Variants in BRINP3 observed in about 807,000 individuals in gnomAD.
BRINP3 encodes the protein BMP/retinoic acid inducible neural specific 3, also known as BMP/retinoic acid-inducible neural-specific protein 3.
BRINP3 carries 19 observed loss-of-function variants against 71.0 expected under a neutral mutation model. The ratio of observed to expected loss-of-function variants is 0.27; its 90% CI spans 0.19 to 0.39. The LOEUF (loss-of-function observed/expected upper bound fraction) is 0.39, where lower values mean the gene tolerates loss of function less well. BRINP3 is among the 10% of genes least tolerant of loss of function. The pLI is 1.00. For synonymous variants in BRINP3, 380 were observed against 337.7 expected, an observed-to-expected ratio of 1.13 and a Z score of -1.37; for missense variants, 959 against 940.8, an observed-to-expected ratio of 1.02 and a Z score of -0.25.
At chr1:190,122,761 T>C (rs1394867657) in intron 7 of BRINP3, among the ~76,000 whole-genome samples, 2 of 152,190 alleles carry the variant, frequency 1.3e-5, no homozygotes, top group Admixed American at 1.3e-4. Flanking sequence ...AATTATATTT[T>C]TCAGAACTTT....
chr1:190,111,374 G>GGGAA (rs1652683188), intron 7 of BRINP3, among the ~76,000 whole-genome samples: 1 of 151,742 alleles, frequency 6.6e-6, no homozygotes, highest in Non-Finnish European at 1.5e-5. Context: ...GAGGGGCAAA[G>GGGAA]GGAATCTGAG....
intron 2 of BRINP3, among the ~76,000 whole-genome samples, chr1:190,354,221 C>T (rs1483298518): frequency 6.6e-6 from 1 of 151,890 alleles, no homozygotes; most frequent in Non-Finnish European, 1.5e-5. Context: ...CTAATGCTTT[C>T]TCTTAGTGGT....
intron 5 of BRINP3, among the ~76,000 whole-genome samples, chr1:190,232,517 A>G (rs1658091565): frequency 6.6e-6 from 1 of 152,110 alleles, no homozygotes; most frequent in African/African-American, 2.4e-5. Context: ...GTGTATAAAT[A>G]AAGTTGTAAT....
At chr1:190,431,355 T>C (rs1303969268) in intron 2 of BRINP3, among the ~76,000 whole-genome samples, 1 of 152,114 alleles carries the variant, frequency 6.6e-6, no homozygotes, top group Non-Finnish European at 1.5e-5. Context: ...TTTTTAAATT[T>C]ATTTTTATTT....
At chr1:190,411,379 C>T (rs1672654360) in intron 2 of BRINP3, among the ~76,000 whole-genome samples, 1 of 152,064 alleles carries the variant, frequency 6.6e-6, no homozygotes, top group South Asian at 2.1e-4. Context: ...ACCTTAGGAT[C>T]ATGAAACATT....
chr1:190,112,948 T>C (rs183376156), intron 7 of BRINP3, among the ~76,000 whole-genome samples: 1 of 152,188 alleles, frequency 6.6e-6, no homozygotes, highest in African/African-American at 2.4e-5. Context: ...TTTTTCTTCA[T>C]GAAAGCATTA....
chr1:190,117,829 A>G (rs1027575349), intron 7 of BRINP3, among the ~76,000 whole-genome samples: 25 of 152,054 alleles, frequency 1.6e-4, no homozygotes, highest in Non-Finnish European at 2.5e-4. Flanking sequence ...TTCATCATGT[A>G]GTTACATCAC....
intron 2 of BRINP3, among the ~76,000 whole-genome samples, chr1:190,352,822 T>C (rs893710963): frequency 6.7e-6 from 1 of 149,850 alleles, no homozygotes; most frequent in African/African-American, 2.4e-5. Flanking sequence ...TTCAGAGTGA[T>C]TATACTGCAA....
chr1:190,458,759 G>C (rs1676180285), intron 1 of BRINP3, among the ~76,000 whole-genome samples: 1 of 151,902 alleles, frequency 6.6e-6, no homozygotes, highest in Non-Finnish European at 1.5e-5. Context: ...TCCAATGAAA[G>C]AGGATAGAAA....
chr1:190,140,745 A>G (rs986239011), intron 7 of BRINP3, among the ~76,000 whole-genome samples: 1 of 152,188 alleles, frequency 6.6e-6, no homozygotes, highest in African/African-American at 2.4e-5. Context: ...TAATTCAAGG[A>G]TACCAAAATT....
intron 6 of BRINP3, among the ~76,000 whole-genome samples, chr1:190,200,183 G>T (rs866268503): frequency 3.9e-4 from 60 of 152,200 alleles, no homozygotes; most frequent in African/African-American, 1.4e-3. Flanking sequence ...GACAGATTTT[G>T]AGTTCTTCAA....
intron 6 of BRINP3, among the ~76,000 whole-genome samples, chr1:190,220,526 A>T (rs537617641): frequency 6.6e-6 from 1 of 152,132 alleles, no homozygotes; most frequent in Non-Finnish European, 1.5e-5. Flanking sequence ...TGTAACGCAG[A>T]ACTTAAAGTA....
intron 2 of BRINP3, among the ~76,000 whole-genome samples, chr1:190,282,894 C>T (rs762756153): frequency 4.6e-5 from 7 of 151,596 alleles, no homozygotes; most frequent in Admixed American, 2.0e-4. Context: ...CATTACATGG[C>T]CAAGGAGGGT....
At chr1:190,332,877 A>G (rs936185692) in intron 2 of BRINP3, among the ~76,000 whole-genome samples, 3 of 151,946 alleles carry the variant, frequency 2.0e-5, no homozygotes, top group African/African-American at 7.2e-5. Flanking sequence ...GTGTGTTTCC[A>G]TGTTGAGTGG....
intron 6 of BRINP3, among the ~76,000 whole-genome samples, chr1:190,223,279 A>C (rs1228441869): frequency 6.6e-6 from 1 of 152,006 alleles, no homozygotes; most frequent in Non-Finnish European, 1.5e-5. Flanking sequence ...ATAATCAACA[A>C]AACACTAGCA....
chr1:190,433,332 C>T (rs1674230392), intron 2 of BRINP3, among the ~76,000 whole-genome samples: 1 of 152,120 alleles, frequency 6.6e-6, no homozygotes, highest in Non-Finnish European at 1.5e-5. Flanking sequence ...GGAATAATAC[C>T]TGAACTTAAC....
At chr1:190,177,150 CTTTTTTTTTTTTTTT>C (rs1030190199) in intron 6 of BRINP3, among the ~76,000 whole-genome samples, 8 of 63,212 alleles carry the variant, frequency 1.3e-4, no homozygotes, top group African/African-American at 4.4e-4. Context: ...GCACCCACTT[CTTTTTTTTTTTTTTT>C]TTTTTTTTTT....
chr1:190,291,710 C>T (rs1053510642), intron 2 of BRINP3, among the ~76,000 whole-genome samples: 8 of 152,018 alleles, frequency 5.3e-5, no homozygotes, highest in Non-Finnish European at 1.0e-4. Context: ...TTGGTGAGAA[C>T]GTAAATTGAA....
At chr1:190,426,853 T>C (rs1673740666) in intron 2 of BRINP3, among the ~76,000 whole-genome samples, 1 of 151,896 alleles carries the variant, frequency 6.6e-6, no homozygotes, top group Non-Finnish European at 1.5e-5. Flanking sequence ...GTAAGCAAGT[T>C]ACTTAACTTT....
Sources: gnomAD v4.1 joint callset for allele counts (sites outside exome capture counted in the v4.1 genomes callset) on GRCh38, gnomAD v4.1.1 for gene constraint, MANE v1.5 for transcripts, NCBI Gene and HGNC (gene_info 2026-07-23, HGNC 2026-07-21) for gene names.